The following PCDHGA9 variants were observed in gnomAD, a reference collection of about 807,000 sequenced individuals.
PCDHGA9 encodes protocadherin gamma subfamily A, 9.
PCDHGA9 carries 37 observed loss-of-function variants against 62.5 expected under a neutral mutation model. The ratio of observed to expected loss-of-function variants is 0.59; its 90% CI spans 0.46 to 0.78. The LOEUF is 0.78. Among genes scored for constraint, PCDHGA9 ranks in the 30% least tolerant of loss-of-function variants. PCDHGA9 has a pLI of 0.00. For synonymous variants in PCDHGA9, 459 were observed against 484.6 expected (o/e 0.95, Z 0.69); for missense variants, 1,138 against 1,166.2 (o/e 0.98, Z 0.35).
At chr5:141,508,408 C>T (rs938019804) in intron 3 of PCDHGA9, 1 of 152,180 alleles carries the variant, frequency 6.6e-6, no homozygotes, top group Non-Finnish European at 1.5e-5. Context: ...GCTTGAGCCA[C>T]GCAGAGACTT....
intron 1 of PCDHGA9, among the ~76,000 whole-genome samples, chr5:141,426,005 G>A (rs189148799): frequency 4.1e-4 from 63 of 152,202 alleles, no homozygotes; most frequent in Admixed American, 2.1e-3. Flanking sequence ...AAAGGCTTCC[G>A]GCTGCAGTTT....
chr5:141,460,624 T>TA (rs1464862917), intron 1 of PCDHGA9, among the ~76,000 whole-genome samples: 2 of 152,128 alleles, frequency 1.3e-5, no homozygotes, highest in African/African-American at 4.8e-5. Context: ...GATAGACAGA[T>TA]ACAGATATAT....
At position 141,410,538 on chromosome 5, in the gene PCDHGA9, T is replaced by C. The variant is rs373020361; in HGVS notation, c.2424+5162T>C. The C allele has an allele frequency of 5.6e-6, 9 of 1,613,830 alleles. No homozygotes were observed. The South Asian group carries it at 7.7e-5, about 14-fold the overall frequency. On this transcript the variant is annotated intron_variant, in intron 1 of 3. Transcript: ENST00000573521. ...GTGCCCCTACATTCCAATGAAGACA[T>C]GGTTTGCAGTGTTTCTCCTGGAGCC...
chr5:141,427,865 G>A, intron 1 of PCDHGA9: 1 of 1,558,148 alleles, frequency 6.4e-7, no homozygotes. Flanking sequence ...GCGCCTTCGA[G>A]CTCACGATGC....
intron 1 of PCDHGA9, chr5:141,408,080 C>G: frequency 7.1e-7 from 1 of 1,412,844 alleles, no homozygotes; most frequent in Non-Finnish European, 9.3e-7. Flanking sequence ...TTTCCCAGCA[C>G]AGCGGATTGC....
At position 141,432,360 on chromosome 5, in the gene PCDHGA9, C is replaced by T; in HGVS notation, c.2424+26984C>T. On this transcript the variant is annotated intron_variant, in intron 1 of 3. Transcript: ENST00000573521. This position sits in a 1 kb window ranked among gnomAD's most constrained non-coding sequence, Gnocchi z 6.0. Reference sequence around the variant, plus strand: ...CGAGACTTGCAAGTGAAAGTGATGGCGCGGGACAACGGGCACCCGCCCCTC... The same window carrying T: ...CGAGACTTGCAAGTGAAAGTGATGGTGCGGGACAACGGGCACCCGCCCCTC... 1.9e-6 allele frequency: 3 copies of T among 1,614,228 alleles called. No individual in the cohort carries two copies. The highest frequency in any genetic ancestry group is 1.1e-5 in the South Asian group (1 of 91,088).
At chr5:141,413,740 C>A in intron 1 of PCDHGA9, 2 of 1,613,402 alleles carry the variant, frequency 1.2e-6, no homozygotes, top group Non-Finnish European at 1.7e-6. Flanking sequence ...AGTTCAGAGC[C>A]GTGCCAATGG....
chr5:141,420,477 A>T (rs1469261817), intron 1 of PCDHGA9: 3 of 626,262 alleles, frequency 4.8e-6, no homozygotes, highest in Non-Finnish European at 7.0e-6. Flanking sequence ...TTTAAAGCAA[A>T]CTACATGGGT....
chr5:141,444,151 G>T (rs1031944414), intron 1 of PCDHGA9, among the ~76,000 whole-genome samples: 1 of 92,746 alleles, frequency 1.1e-5, no homozygotes, highest in Non-Finnish European at 2.1e-5. Flanking sequence ...GTGTGTACTG[G>T]ATTTTTTTTT....
rs768635851 is a variant in PCDHGA9 at position 141,489,334 on chromosome 5, C to G, written c.2425-5473C>G. 2 of 1,606,614 alleles carry G rather than the reference C, an allele frequency of 1.2e-6. No individual in the cohort carries two copies. Among genetic ancestry groups the G allele is most frequent in the Non-Finnish European group, 1.7e-6 (2 of 1,175,584 alleles). On this transcript the variant is annotated intron_variant, in intron 1 of 3. Coordinates refer to ENST00000573521, the MANE Select transcript of PCDHGA9 (RefSeq NM_018921.3). The surrounding 1 kb of genome is among the most constrained non-coding windows in gnomAD (Gnocchi z 4.5). Reference sequence around the variant, plus strand: ...CTGGGGCTGGGTGTCTGGGCAGCTTCGTTACTCAGTGGTGGAGGAGTCTGA... The same window carrying G: ...CTGGGGCTGGGTGTCTGGGCAGCTTGGTTACTCAGTGGTGGAGGAGTCTGA...
In PCDHGA9 at chr5:141,512,249, T is replaced by A. The variant is rs1159090773; in HGVS notation, c.*1076T>A. 6.6e-6 allele frequency: 1 copy of A among 152,598 alleles called. No individual in the cohort carries two copies. The allele number at this position is 152,598 out of a possible 1,614,324, so 9.5% of individuals were successfully genotyped here. On this transcript the variant is annotated 3_prime_UTR_variant, in exon 4 of 4. Coordinates refer to ENST00000573521, the MANE Select transcript of PCDHGA9 (RefSeq NM_018921.3). Reference sequence around the variant, plus strand: ...CCTTGAGAGGTCAGAGGGGCCTCTGTGGGTGCTGGGTACTCCAGAGGTGCC... The same window carrying A: ...CCTTGAGAGGTCAGAGGGGCCTCTGAGGGTGCTGGGTACTCCAGAGGTGCC...
In PCDHGA9 at chr5:141,486,247, C is replaced by T. The variant is rs935513223; in HGVS notation, c.2425-8560C>T. The T allele has an allele frequency of 2.5e-6, 4 of 1,614,014 alleles. No homozygotes were observed. The African/African-American group carries it at 5.3e-5, about 22-fold the overall frequency. On this transcript the variant is annotated intron_variant, in intron 1 of 3. Transcript: ENST00000573521. This position sits in a 1 kb window ranked among gnomAD's most constrained non-coding sequence, Gnocchi z 5.0. Reference sequence around the variant, plus strand: ...TCACAGTGACCTCAGAGCTTGGAACCCTCCCCGAGAGTGCAGAACCTGGCA... The same window carrying T: ...TCACAGTGACCTCAGAGCTTGGAACTCTCCCCGAGAGTGCAGAACCTGGCA...
intron 1 of PCDHGA9, among the ~76,000 whole-genome samples, chr5:141,448,581 T>A (rs570781751): frequency 2.0e-5 from 3 of 152,274 alleles, no homozygotes; most frequent in African/African-American, 7.2e-5. Context: ...CCATTTTTTT[T>A]ACAAAAAGAT....
At chr5:141,470,383 G>A (rs569789033) in intron 1 of PCDHGA9, among the ~76,000 whole-genome samples, 7 of 152,246 alleles carry the variant, frequency 4.6e-5, no homozygotes, top group South Asian at 2.1e-4. Context: ...AAGACTACTC[G>A]ATGATATTTA....
chr5:141,415,649 A>C, intron 1 of PCDHGA9: 1 of 1,597,710 alleles, frequency 6.3e-7, no homozygotes, highest in Non-Finnish European at 8.5e-7. Context: ...GTTAAAAAAA[A>C]AAAGATTGGT....
At chr5:141,422,038 G>A (rs949164524) in intron 1 of PCDHGA9, 9 of 1,611,746 alleles carry the variant, frequency 5.6e-6, no homozygotes, top group Non-Finnish European at 7.6e-6. Context: ...AACGGATCCA[G>A]ACGAGGGAAT....
chr5:141,442,818 C>A (rs553817796), intron 1 of PCDHGA9, among the ~76,000 whole-genome samples: 1 of 151,882 alleles, frequency 6.6e-6, no homozygotes, highest in Non-Finnish European at 1.5e-5. Context: ...TGTACTGATC[C>A]AAAAATAAGG....
In PCDHGA9 at chr5:141,432,373, G is replaced by T; in HGVS notation, c.2424+26997G>T. ...TGAAAGTGATGGCGCGGGACAACGG[G>T]CACCCGCCCCTCAGCAGCAACGTGT... is the stretch of plus-strand genomic sequence containing the variant. On this transcript the variant is annotated intron_variant, in intron 1 of 3. Coordinates refer to ENST00000573521, the MANE Select transcript of PCDHGA9 (RefSeq NM_018921.3). This position sits in a 1 kb window ranked among gnomAD's most constrained non-coding sequence, Gnocchi z 6.0. The T allele has an allele frequency of 6.2e-7, 1 of 1,614,206 alleles. No homozygotes were observed. The highest frequency in any genetic ancestry group is 1.1e-5 in the South Asian group (1 of 91,082).
Position 141,405,169 on chromosome 5 carries a change from CTT to C in PCDHGA9, c.2219_2220del (p.Phe740CysfsTer22), listed in dbSNP as rs1561698717. The C allele has an allele frequency of 1.2e-6, 2 of 1,614,122 alleles. No homozygotes were observed. Among genetic ancestry groups the C allele is most frequent in the Non-Finnish European group, 1.7e-6 (2 of 1,179,990 alleles). ...GGTTGGCTGGTGTGCCCACCTCACA[CTT>C]TGTGGGTGTAGATGGGGTTCGAGCT... is the stretch of plus-strand genomic sequence containing the variant. ...DGLAGVPTSH[F>X]VGVDGVRAFL... On this transcript the variant is annotated frameshift_variant, in exon 1 of 4. Transcript: ENST00000573521. LOFTEE classifies it high-confidence loss of function.
Sources: allele counts gnomAD v4.1 joint callset (sites outside exome capture counted in the v4.1 genomes callset), GRCh38; gene constraint gnomAD v4.1.1; non-coding constraint Gnocchi (gnomAD v3.1); transcripts MANE v1.5; gene names NCBI Gene and HGNC (gene_info 2026-07-23, HGNC 2026-07-21).